Variants in ENTHD1 observed in about 807,000 individuals in gnomAD.
ENTHD1 encodes ENTH domain containing 1, also known as ENTH domain-containing protein 1.
In ENTHD1, 23 loss-of-function variants were observed where a neutral mutation model predicts 39.1. The ratio of observed to expected loss-of-function variants is 0.59; its 90% confidence interval spans 0.42 to 0.83. ENTHD1 has a LOEUF of 0.83. Ranked by LOEUF, ENTHD1 falls within the 40% of genes least tolerant of loss-of-function variation. The pLI, the probability that ENTHD1 is intolerant of heterozygous loss-of-function variation, is 0.00. For missense variants in ENTHD1, 624 were observed against 705.4 expected (o/e 0.88, Z 1.31); for synonymous variants, 230 against 258.2 (o/e 0.89, Z 1.05).
intron 5 of ENTHD1, among the ~76,000 whole-genome samples, chr22:39,812,257 T>C (rs1326324494): frequency 6.6e-6 from 1 of 152,038 alleles, no homozygotes; most frequent in Non-Finnish European, 1.5e-5. Context: ...TACCCAGAAG[T>C]GGGTAACTGC....
chr22:39,875,921 G>A, intron 2 of ENTHD1: 1 of 1,613,964 alleles, frequency 6.2e-7, no homozygotes. Flanking sequence ...ACCTGAATGG[G>A]TTATCCTGAT....
intron 3 of ENTHD1, among the ~76,000 whole-genome samples, chr22:39,843,172 G>T (rs2146689307): frequency 6.6e-6 from 1 of 152,246 alleles, no homozygotes; most frequent in South Asian, 2.1e-4. Flanking sequence ...TATGTTTACT[G>T]CGGCACTATT....
At chr22:39,885,369 T>A (rs1487343282) in intron 2 of ENTHD1, among the ~76,000 whole-genome samples, 1 of 152,158 alleles carries the variant, frequency 6.6e-6, no homozygotes, top group East Asian at 1.9e-4. Context: ...TTGGCAGGAA[T>A]ACAGAAAAAC....
intron 4 of ENTHD1, among the ~76,000 whole-genome samples, chr22:39,833,493 C>T (rs1241712131): frequency 1.3e-5 from 2 of 151,706 alleles, no homozygotes; most frequent in Non-Finnish European, 2.9e-5. Context: ...TAATATGAAA[C>T]AGGAAGACAT....
Position 39,743,810 on chromosome 22 carries a change from C to T in ENTHD1, c.1693G>A (p.Asp565Asn), listed in dbSNP as rs770289278. 4 of 1,614,112 alleles carry T rather than the reference C, an allele frequency of 2.5e-6. No individual in the cohort carries two copies. In the Admixed American group the frequency reaches 6.7e-5, roughly 27 times the overall value. Residue 565 changes from aspartate (D) to asparagine (N), a missense_variant, in exon 7 of 7, where the codon GAT becomes AAT. Asp to Asn is a conservative substitution (Grantham distance 23, BLOSUM62 1). Coordinates refer to ENST00000325157, the MANE Select transcript of ENTHD1 (RefSeq NM_152512.4). ...AGTTCTTGGATCACTGTGCTCAGAT[C>T]TTCATGTAATCTAGCGATCGCACGT... ...VKRAIARLHE[D>N]LSTVIQELNV...
At chr22:39,798,688 G>A (rs539367083) in intron 5 of ENTHD1, among the ~76,000 whole-genome samples, 11 of 152,256 alleles carry the variant, frequency 7.2e-5, no homozygotes, top group Non-Finnish European at 1.6e-4. Flanking sequence ...AGACACTAAC[G>A]GAAGCAGGTC....
chr22:39,759,767 G>A (rs1020257536), intron 6 of ENTHD1, among the ~76,000 whole-genome samples: 1 of 151,480 alleles, frequency 6.6e-6, no homozygotes, highest in African/African-American at 2.4e-5. Context: ...CACATTTTTT[G>A]ATTTTCATTA....
chr22:39,752,966 G>A lies in ENTHD1; in HGVS notation c.1220-8683C>T, dbSNP rs1034357976. 5.3e-5 allele frequency among the ~76,000 whole-genome samples: 8 copies of A among 152,200 alleles called. No individual in the cohort carries two copies. The South Asian group carries it at 1.0e-3, about 20-fold the overall frequency. On this transcript the variant is annotated intron_variant, in intron 6 of 6. Transcript: ENST00000325157. ...CCTTTTACAGACAAAAAGGAAAAGT[G>A]CATGGTTAATGGGTCTTGTGTGTGT...
chr22:39,760,948 CAGTATTATA>C (rs1449095710), intron 6 of ENTHD1, among the ~76,000 whole-genome samples: 2 of 151,916 alleles, frequency 1.3e-5, no homozygotes, highest in Non-Finnish European at 2.9e-5. Context: ...CCCCAAAATA[CAGTATTATA>C]AGTTTTGCTT....
intron 5 of ENTHD1, among the ~76,000 whole-genome samples, chr22:39,778,674 A>T (rs2065384462): frequency 6.6e-6 from 1 of 152,208 alleles, no homozygotes; most frequent in African/African-American, 2.4e-5. Flanking sequence ...TAAGATGGCA[A>T]ATACCATTTC....
At chr22:39,856,037 G>A (rs1349990198) in intron 3 of ENTHD1, among the ~76,000 whole-genome samples, 1 of 152,158 alleles carries the variant, frequency 6.6e-6, no homozygotes, top group Admixed American at 6.5e-5. Flanking sequence ...CACTTTGGGA[G>A]GCTGAGGCGG....
chr22:39,768,517 T>G (rs1202674062), intron 5 of ENTHD1, among the ~76,000 whole-genome samples: 1 of 152,170 alleles, frequency 6.6e-6, no homozygotes, highest in Non-Finnish European at 1.5e-5. Context: ...CTACTACTTC[T>G]AGAAGCTATT....
intron 4 of ENTHD1, among the ~76,000 whole-genome samples, chr22:39,827,734 G>A (rs1344670499): frequency 6.6e-6 from 1 of 152,094 alleles, no homozygotes; most frequent in African/African-American, 2.4e-5. Flanking sequence ...CAATAAACTG[G>A]TACAACTTTT....
intron 4 of ENTHD1, among the ~76,000 whole-genome samples, chr22:39,827,318 G>A (rs959841559): frequency 2.6e-5 from 4 of 151,754 alleles, no homozygotes; most frequent in Non-Finnish European, 5.9e-5. Flanking sequence ...GTCAGCCCAG[G>A]GTAACATTTT....
At chr22:39,853,576 C>A (rs78041992) in intron 3 of ENTHD1, among the ~76,000 whole-genome samples, 2,554 of 152,012 alleles carry the variant, frequency 0.017, 43 homozygotes, top group African/African-American at 0.049. Context: ...TATTCTTCTT[C>A]TTATTATTAT....
intron 2 of ENTHD1, among the ~76,000 whole-genome samples, chr22:39,871,219 A>ATAAAT: frequency 6.7e-6 from 1 of 148,610 alleles, no homozygotes. Flanking sequence ...AAATAAATAA[A>ATAAAT]TACGGACCTT....
intron 5 of ENTHD1, among the ~76,000 whole-genome samples, chr22:39,814,722 G>A (rs1412370885): frequency 6.6e-6 from 1 of 152,024 alleles, no homozygotes; most frequent in Non-Finnish European, 1.5e-5. Flanking sequence ...AAGTAAAATT[G>A]GACTTCTACC....
chr22:39,882,735 T>C (rs955720014), intron 2 of ENTHD1, among the ~76,000 whole-genome samples: 18 of 152,028 alleles, frequency 1.2e-4, no homozygotes, highest in Admixed American at 1.1e-3. Context: ...CTGGGCACGG[T>C]GGCTCACACC....
At chr22:39,847,614 A>G (rs186556410) in intron 3 of ENTHD1, among the ~76,000 whole-genome samples, 4 of 152,032 alleles carry the variant, frequency 2.6e-5, no homozygotes, top group African/African-American at 9.6e-5. Context: ...ATGGTCTCAA[A>G]TTCCTGGGCT....
Sources: allele counts gnomAD v4.1 joint callset (sites outside exome capture counted in the v4.1 genomes callset), GRCh38; gene constraint gnomAD v4.1.1; transcripts MANE v1.5; gene names NCBI Gene and HGNC (gene_info 2026-07-23, HGNC 2026-07-21).